Variants in ALDH18A1 observed in about 807,000 individuals in gnomAD.
The protein encoded by ALDH18A1 is delta-1-pyrroline-5-carboxylate synthase.
In ALDH18A1, 44 loss-of-function variants were observed where a neutral mutation model predicts 88.8. The ratio of observed to expected loss-of-function variants is 0.50; its 90% confidence interval spans 0.39 to 0.64. The LOEUF is 0.64. Among genes scored for constraint, ALDH18A1 ranks in the 30% least tolerant of loss-of-function variants. ALDH18A1 has a pLI of 0.00. For missense variants in ALDH18A1, 782 were observed against 1,009.5 expected, an observed-to-expected ratio of 0.77 and a Z score of 3.05; for synonymous variants, 331 against 372.1, an observed-to-expected ratio of 0.89 and a Z score of 1.27.
At chr10:95,648,287 G>T (rs1327171546) in intron 2 of ALDH18A1, among the ~76,000 whole-genome samples, 1 of 151,682 alleles carries the variant, frequency 6.6e-6, no homozygotes, top group Non-Finnish European at 1.5e-5. Flanking sequence ...TGAGAGCAGA[G>T]GAAAAATAGT....
intron 1 of ALDH18A1, among the ~76,000 whole-genome samples, chr10:95,656,256 T>A (rs1398606426): frequency 1.3e-5 from 2 of 152,170 alleles, no homozygotes; most frequent in Non-Finnish European, 2.9e-5. Context: ...GGCCCGCGGA[T>A]GCCTGAAGTC....
intron 1 of ALDH18A1, among the ~76,000 whole-genome samples, chr10:95,653,693 TA>T (rs984643472): frequency 6.6e-6 from 1 of 152,122 alleles, no homozygotes; most frequent in African/African-American, 2.4e-5. Context: ...CTTCCAAATT[TA>T]AAAAAAATCT....
At chr10:95,653,166 T>G in intron 2 of ALDH18A1, 124 bp downstream of exon 2, 1 of 935,596 alleles carries the variant, frequency 1.1e-6, no homozygotes, top group Non-Finnish European at 1.7e-6. Context: ...CCAGCCTGTG[T>G]GACAAAATGA....
At chr10:95,626,348 T>A (rs138623832) in intron 10 of ALDH18A1, among the ~76,000 whole-genome samples, 1 of 152,202 alleles carries the variant, frequency 6.6e-6, no homozygotes, top group African/African-American at 2.4e-5. Flanking sequence ...GAGCTTCCCA[T>A]CTTCTAGGCA....
intron 3 of ALDH18A1, 88 bp from the exon 4 acceptor site, chr10:95,637,524 G>C: frequency 6.7e-6 from 10 of 1,497,980 alleles, no homozygotes; most frequent in Non-Finnish European, 9.1e-6. Flanking sequence ...GTGGGCTATC[G>C]AGTAGATCCC....
At position 95,606,098 on chromosome 10, in the gene ALDH18A1, G is replaced by C. The variant is rs1405208553; in HGVS notation, c.*664C>G. ...TGTAGATATTCCTCCAGCTCAGTGGGGAACATCCTGAAACTTGCATCTCCT... is the reference window on the plus strand; with the variant it reads ...TGTAGATATTCCTCCAGCTCAGTGGCGAACATCCTGAAACTTGCATCTCCT... On this transcript the variant is annotated 3_prime_UTR_variant, in exon 18 of 18. Coordinates refer to ENST00000371224, the MANE Select transcript of ALDH18A1 (RefSeq NM_002860.4). 1 of 264,590 alleles carries C rather than the reference G, an allele frequency of 3.8e-6. No homozygotes were observed. 16.4% of individuals were successfully genotyped at this position (264,590 alleles called of 1,614,324 possible).
At chr10:95,608,102 T>C (rs1456762272) in intron 17 of ALDH18A1, among the ~76,000 whole-genome samples, 1 of 152,228 alleles carries the variant, frequency 6.6e-6, no homozygotes, top group Admixed American at 6.5e-5. Flanking sequence ...GCTGGGAATG[T>C]AGTAAATGCT....
At chr10:95,643,596 G>A (rs1221825399) in intron 2 of ALDH18A1, among the ~76,000 whole-genome samples, 1 of 151,732 alleles carries the variant, frequency 6.6e-6, no homozygotes, top group Non-Finnish European at 1.5e-5. Context: ...TTGGATAAAG[G>A]GAAAAAGATT....
At chr10:95,627,860 A>G (rs1160890923) in intron 8 of ALDH18A1, among the ~76,000 whole-genome samples, 3 of 152,172 alleles carry the variant, frequency 2.0e-5, no homozygotes, top group Non-Finnish European at 2.9e-5. Context: ...TAACTTCTAC[A>G]TTTGATTTAC....
intron 9 of ALDH18A1, 104 bp from the exon 10 acceptor site, chr10:95,626,880 C>T (rs1422947357): frequency 8.6e-7 from 1 of 1,160,052 alleles, no homozygotes; most frequent in Admixed American, 1.9e-5. Flanking sequence ...TCATCACGCC[C>T]ACAGAAGGAA....
chr10:95,642,364 A>AGCACTTTGGGAG (rs1372360531), intron 3 of ALDH18A1, among the ~76,000 whole-genome samples: 1 of 152,230 alleles, frequency 6.6e-6, no homozygotes, highest in African/African-American at 2.4e-5. Context: ...TTGCAGGCCC[A>AGCACTTTGGGAG]GCACTTTGGG....
intron 17 of ALDH18A1, among the ~76,000 whole-genome samples, chr10:95,609,767 C>CTCTTTT (rs1193875091): frequency 9.8e-5 from 3 of 30,696 alleles, no homozygotes; most frequent in Non-Finnish European, 2.6e-4. Flanking sequence ...AAGTCTGTCT[C>CTCTTTT]TATTTTTTTT....
At chr10:95,609,322 C>T (rs1008713346) in intron 17 of ALDH18A1, among the ~76,000 whole-genome samples, 1 of 152,232 alleles carries the variant, frequency 6.6e-6, no homozygotes, top group Non-Finnish European at 1.5e-5. Flanking sequence ...TAGAAGGTAA[C>T]CTTGTACTTC....
In ALDH18A1 at chr10:95,613,991, G is replaced by A; in HGVS notation, c.1776C>T (p.Ala592=). The part of the protein sequence containing the change: ...GICHMYVDSE[A]SVDKVTRLVR... ...CTAGCCTGGTGACCTTATCAACACT[G>A]GCCTCGGAATCCACATACATGTGAC... is the stretch of plus-strand genomic sequence containing the variant. Residue 592 remains alanine, a synonymous_variant, in exon 14 of 18, where the codon GCC becomes GCT. Transcript: ENST00000371224. 2 of 1,614,200 alleles carry A rather than the reference G, an allele frequency of 1.2e-6. No individual in the cohort carries two copies. Among genetic ancestry groups the A allele is most frequent in the East Asian group, 2.2e-5 (1 of 44,882 alleles).
rs143707058 is a variant in ALDH18A1 at position 95,628,673 on chromosome 10, A to G, written c.809-181T>C. The G allele has an allele frequency of 5.9e-4, 394 of 665,756 alleles. 3 individuals are homozygous for G. The highest frequency in any genetic ancestry group is 2.6e-3 in the South Asian group (146 of 55,224). The allele number at this position is 665,756 out of a possible 1,614,324, so 41.2% of individuals were successfully genotyped here. On this transcript the variant is annotated intron_variant, in intron 7 of 17. Transcript: ENST00000371224. ...TCGACACTGACAAACATCTCCAGGAAGACTCACCTTACATTATTTCTATAA... is the reference window on the plus strand; with the variant it reads ...TCGACACTGACAAACATCTCCAGGAGGACTCACCTTACATTATTTCTATAA...
At chr10:95,625,595 T>A in intron 10 of ALDH18A1, 140 bp from the exon 11 acceptor site, 1 of 698,500 alleles carries the variant, frequency 1.4e-6, no homozygotes, top group Admixed American at 2.1e-5. Flanking sequence ...ATCTCCTGAC[T>A]TCCCATCACT....
In ALDH18A1 at chr10:95,633,607, G is replaced by GGC; in HGVS notation, c.599_600dup (p.Arg201AlafsTer14). 1 of 1,613,954 alleles carries GGC rather than the reference G, an allele frequency of 6.2e-7. No homozygotes were observed. The highest frequency in any genetic ancestry group is 8.5e-7 in the Non-Finnish European group (1 of 1,180,006). On this transcript the variant is annotated frameshift_variant, in exon 6 of 18. Transcript: ENST00000371224. LOFTEE classifies it high-confidence loss of function. ...TCATGAAGTGTTCCATTGAGGTTCC[G>GGC]GCGCTTCTGCTCATCATGGAAATCC...
Position 95,616,326 on chromosome 10 carries a change from G to A in ALDH18A1, c.1605+151C>T, listed in dbSNP as rs1260038647. The A allele has an allele frequency of 3.8e-6, 4 of 1,062,022 alleles. No individual in the cohort carries two copies. In the Admixed American group the frequency reaches 6.4e-5, roughly 17 times the overall value. 65.8% of individuals were successfully genotyped at this position (1,062,022 alleles called of 1,614,324 possible). ...GAGGACCCATCTGGCTCTGCAGAAT[G>A]GCCTAAAGTCTGAAGGCTCACAGGC... On this transcript the variant is annotated intron_variant, in intron 13 of 17. Transcript: ENST00000371224.
intron 5 of ALDH18A1, among the ~76,000 whole-genome samples, chr10:95,635,870 T>TG (rs1261261618): frequency 6.6e-6 from 1 of 152,224 alleles, no homozygotes; most frequent in Non-Finnish European, 1.5e-5. Context: ...CTCCCTGACT[T>TG]GAGCTTCCTC....
Sources: allele counts gnomAD v4.1 joint callset (sites outside exome capture counted in the v4.1 genomes callset), GRCh38; gene constraint gnomAD v4.1.1; transcripts MANE v1.5; gene names NCBI Gene and HGNC (gene_info 2026-07-23, HGNC 2026-07-21).